RAB5A: variants seen among roughly 807,000 people sequenced by gnomAD.
RAB5A encodes ras-related protein Rab-5A.
RAB5A carries 8 observed loss-of-function variants against 25.7 expected under a neutral mutation model. The observed-to-expected ratio is 0.31, with a 90% CI of 0.18 to 0.56. RAB5A has a LOEUF of 0.56. Among genes scored for constraint, RAB5A ranks in the 20% least tolerant of loss-of-function variants. RAB5A has a pLI of 0.91. For missense variants in RAB5A, 192 were observed against 259.7 expected (o/e 0.74, Z 1.79); for synonymous variants, 98 against 89.8 (o/e 1.09, Z -0.52).
At chr3:19,955,051 A>G (rs1010271506) in intron 2 of RAB5A, among the ~76,000 whole-genome samples, 1 of 152,188 alleles carries the variant, frequency 6.6e-6, no homozygotes, top group East Asian at 1.9e-4. Context: ...TTTACTTGGT[A>G]CTGCATCTCT....
chr3:19,968,248 T>TA (rs1427893819), intron 2 of RAB5A, among the ~76,000 whole-genome samples: 1 of 152,196 alleles, frequency 6.6e-6, no homozygotes, highest in East Asian at 1.9e-4. Flanking sequence ...TTTTTTCACT[T>TA]ACACATTGGG....
In RAB5A at chr3:19,971,212, A is replaced by AC. The variant is rs1559490767; in HGVS notation, c.164-4389_164-4388insC. Among the ~76,000 whole-genome samples, 78 of 139,654 alleles carry AC rather than the reference A, an allele frequency of 5.6e-4. 2 individuals are homozygous for AC. Among genetic ancestry groups the AC allele is most frequent in the Middle Eastern group, 3.7e-3 (1 of 268 alleles). The allele number at this position is 139,654 out of a possible 152,430, so 91.6% of individuals were successfully genotyped here. A position where few individuals can be genotyped will look rare whatever the true frequency, so the allele number is the denominator to read the frequency against. ...AACTCCATCTCAAAAAAAAAAAAAAAAAACACTATAGTAGTATTTTAAAAC... is the reference window on the plus strand; with the variant it reads ...AACTCCATCTCAAAAAAAAAAAAAAACAAACACTATAGTAGTATTTTAAAAC... On this transcript the variant is annotated intron_variant, in intron 2 of 5. Transcript: ENST00000273047.
At chr3:19,955,060 C>T (rs968834986) in intron 2 of RAB5A, among the ~76,000 whole-genome samples, 6 of 152,140 alleles carry the variant, frequency 3.9e-5, no homozygotes, top group African/African-American at 1.4e-4. Context: ...TACTGCATCT[C>T]TAGGCTTGGT....
At chr3:19,955,151 G>A (rs1275023855) in intron 2 of RAB5A, among the ~76,000 whole-genome samples, 1 of 152,126 alleles carries the variant, frequency 6.6e-6, no homozygotes, top group African/African-American at 2.4e-5. Context: ...TTAATCCTCA[G>A]TGGTTAGAAT....
intron 5 of RAB5A, among the ~76,000 whole-genome samples, chr3:19,980,766 A>G (rs940784309): frequency 2.0e-5 from 3 of 152,270 alleles, no homozygotes; most frequent in Admixed American, 2.0e-4. Flanking sequence ...GAGATTTACC[A>G]TTATAATGCT....
intron 2 of RAB5A, among the ~76,000 whole-genome samples, chr3:19,952,627 T>G (rs902739344): frequency 9.2e-5 from 14 of 152,226 alleles, no homozygotes; most frequent in Admixed American, 2.0e-4. Context: ...AAATGTTATA[T>G]TAGAATGTTT....
chr3:19,971,079 C>G (rs1338428424), intron 2 of RAB5A, among the ~76,000 whole-genome samples: 2 of 151,702 alleles, frequency 1.3e-5, no homozygotes, highest in Admixed American at 1.3e-4. Context: ...CACCTGTAAT[C>G]CCAGCTACTC....
chr3:19,972,951 A>G (rs1696771749), intron 2 of RAB5A, among the ~76,000 whole-genome samples: 2 of 152,216 alleles, frequency 1.3e-5, no homozygotes, highest in African/African-American at 4.8e-5. Flanking sequence ...GCAAGTTGAA[A>G]ATATTAAGGG....
intron 2 of RAB5A, among the ~76,000 whole-genome samples, chr3:19,959,870 C>G (rs953972210): frequency 6.6e-6 from 1 of 152,062 alleles, no homozygotes; most frequent in South Asian, 2.1e-4. Flanking sequence ...CAAGTGATCT[C>G]CTGGCTTGGC....
intron 2 of RAB5A, among the ~76,000 whole-genome samples, chr3:19,969,965 G>T (rs529810752): frequency 6.6e-6 from 1 of 151,144 alleles, no homozygotes; most frequent in East Asian, 1.9e-4. Context: ...CACCATGCCC[G>T]GCTAATTTGT....
chr3:19,951,955 G>A (rs1227648760), intron 2 of RAB5A, among the ~76,000 whole-genome samples: 1 of 152,150 alleles, frequency 6.6e-6, no homozygotes, highest in Non-Finnish European at 1.5e-5. Context: ...GCACTGACAA[G>A]GGTGGTTATG....
rs575502356 is a variant in RAB5A at position 19,978,005 on chromosome 3, A to C, written c.439-305A>C. Among the ~76,000 whole-genome samples, 13 of 152,364 alleles carry C rather than the reference A, an allele frequency of 8.5e-5. No individual in the cohort carries two copies. The East Asian group carries it at 2.5e-3, about 29-fold the overall frequency. The stretch of plus-strand genomic sequence containing the variant: ...TGAGATCAAAGAGAGTTTTATTTAG[A>C]ATAAGATAATTCTCCCCCATCTCTG... On this transcript the variant is annotated intron_variant, in intron 4 of 5. Transcript: ENST00000273047.
At chr3:19,959,927 G>A (rs914214270) in intron 2 of RAB5A, among the ~76,000 whole-genome samples, 2 of 152,062 alleles carry the variant, frequency 1.3e-5, no homozygotes, top group African/African-American at 4.8e-5. Context: ...GCTAGGCTGT[G>A]TTCTGAATAT....
intron 2 of RAB5A, among the ~76,000 whole-genome samples, chr3:19,954,322 T>C (rs569401754): frequency 6.6e-6 from 1 of 152,316 alleles, no homozygotes; most frequent in East Asian, 1.9e-4. Context: ...GCCTCAACTG[T>C]TTAATTTTTC....
intron 2 of RAB5A, among the ~76,000 whole-genome samples, chr3:19,952,161 A>G (rs1696433767): frequency 6.6e-6 from 1 of 152,228 alleles, no homozygotes; most frequent in Non-Finnish European, 1.5e-5. Context: ...CCTGGGCAAC[A>G]TAATGAGAAC....
chr3:19,965,948 G>A (rs532664791), intron 2 of RAB5A, among the ~76,000 whole-genome samples: 8 of 152,052 alleles, frequency 5.3e-5, no homozygotes, highest in African/African-American at 7.2e-5. Context: ...GGCTGGTCTC[G>A]AACTCCCGGG....
chr3:19,974,435 G>C (rs749833828), intron 2 of RAB5A, among the ~76,000 whole-genome samples: 3 of 152,046 alleles, frequency 2.0e-5, no homozygotes, highest in Non-Finnish European at 4.4e-5. Context: ...TTACAGGCAT[G>C]AGCCACCACG....
intron 4 of RAB5A, 99 bp from the exon 5 acceptor site, chr3:19,978,211 G>A: frequency 1.3e-6 from 1 of 795,904 alleles, no homozygotes; most frequent in South Asian, 1.5e-5. Context: ...TCAGGTTGTA[G>A]TAATAAGAAA....
Position 19,968,281 on chromosome 3 carries a change from A to G in RAB5A, c.164-7320A>G, listed in dbSNP as rs146771766. ...GGGATTGTTTTTTTAAAGGTACTCA[A>G]ATATGACAGTCTATATTATTGTTTC... On this transcript the variant is annotated intron_variant, in intron 2 of 5. Coordinates refer to ENST00000273047, the MANE Select transcript of RAB5A (RefSeq NM_004162.5). Among the ~76,000 whole-genome samples the G allele has an allele frequency of 3.0e-3, 450 of 152,240 alleles. 1 individual carries two copies. The highest frequency in any genetic ancestry group is 6.8e-3 in the Middle Eastern group (2 of 294).
Sources: gnomAD v4.1 joint callset for allele counts (sites outside exome capture counted in the v4.1 genomes callset) on GRCh38, gnomAD v4.1.1 for gene constraint, MANE v1.5 for transcripts, NCBI Gene and HGNC (gene_info 2026-07-23, HGNC 2026-07-21) for gene names.